SLC25A26: variants seen among roughly 807,000 people sequenced by gnomAD.
SLC25A26 encodes the protein mitochondrial S-adenosylmethionine carrier protein.
A neutral mutation model predicts 37.8 loss-of-function variants in SLC25A26; 36 were observed. The ratio of observed to expected loss-of-function variants is 0.95; its 90% confidence interval spans 0.73 to 1.26. The LOEUF (loss-of-function observed/expected upper bound fraction) is 1.26. Ranked by LOEUF, SLC25A26 falls within the 50% of genes most tolerant of loss-of-function variation. The pLI is 0.00. For synonymous variants in SLC25A26, 129 were observed against 122.5 expected, an observed-to-expected ratio of 1.05 and a Z score of -0.35; for missense variants, 390 against 331.1, an observed-to-expected ratio of 1.18 and a Z score of -1.38.
chr3:66,137,987 C>A (rs1433127553), intron 1 of SLC25A26, among the ~76,000 whole-genome samples: 2 of 152,066 alleles, frequency 1.3e-5, no homozygotes, highest in Non-Finnish European at 2.9e-5. Flanking sequence ...GCGTGCATTA[C>A]CACACCCAGC....
chr3:66,175,642 T>C (rs1411114515), intron 1 of SLC25A26, among the ~76,000 whole-genome samples: 1 of 152,212 alleles, frequency 6.6e-6, no homozygotes, highest in Non-Finnish European at 1.5e-5. Context: ...AGTTGTAGTC[T>C]GCAGGCTGGC....
chr3:66,234,430 T>G (rs906926496), intron 1 of SLC25A26, among the ~76,000 whole-genome samples: 1 of 152,226 alleles, frequency 6.6e-6, no homozygotes, highest in African/African-American at 2.4e-5. Context: ...TACTACTTGG[T>G]TTCTCTACTG....
intron 1 of SLC25A26, among the ~76,000 whole-genome samples, chr3:66,204,800 A>G (rs1405295531): frequency 1.3e-5 from 2 of 152,232 alleles, no homozygotes; most frequent in Non-Finnish European, 2.9e-5. Flanking sequence ...TGCCGTGTGT[A>G]CAGTAGGCAA....
intron 5 of SLC25A26, among the ~76,000 whole-genome samples, chr3:66,298,472 T>A (rs1259404940): frequency 6.6e-6 from 1 of 152,192 alleles, no homozygotes; most frequent in African/African-American, 2.4e-5. Context: ...CTTTTTTTGG[T>A]GGGAGATCAC....
chr3:66,236,525 C>A lies in SLC25A26; in HGVS notation c.34-19C>A. ...GTAACCTTTTTTTTTTCTTTTTCTT[C>A]CCTCTTTTTTTTTCAAAGGCTGGTG... On this transcript the variant is annotated intron_variant, in intron 1 of 9. Coordinates refer to ENST00000354883, the MANE Select transcript of SLC25A26 (RefSeq NM_001379210.1). The A allele has an allele frequency of 7.1e-7, 1 of 1,411,142 alleles. No individual in the cohort carries two copies. The allele number at this position is 1,411,142 out of a possible 1,614,324, so 87.4% of individuals were successfully genotyped here.
At chr3:66,142,246 T>C (rs1381183630) in intron 1 of SLC25A26, among the ~76,000 whole-genome samples, 1 of 152,240 alleles carries the variant, frequency 6.6e-6, no homozygotes, top group Admixed American at 6.5e-5. Flanking sequence ...TATGATCTTT[T>C]GTGTCTGGCT....
intron 1 of SLC25A26, among the ~76,000 whole-genome samples, chr3:66,212,573 A>G (rs2071298486): frequency 6.6e-6 from 1 of 152,172 alleles, no homozygotes; most frequent in Non-Finnish European, 1.5e-5. Context: ...CCCCATGGAT[A>G]AGGGGGATAT....
At position 66,198,189 on chromosome 3, in the gene SLC25A26, T is replaced by A. The variant is rs957593993; in HGVS notation, c.-353-22553T>A. On this transcript the variant is annotated intron_variant, in intron 1 of 10. Transcript: ENST00000676754. ...CAGAGTCAGCTTCAGGATCACTGTC[T>A]AGGTCAGGGTGTTTTCAGAACAGGA... Among the ~76,000 whole-genome samples the A allele has an allele frequency of 1.0e-3, 158 of 152,118 alleles. 5 individuals are homozygous for A. Among genetic ancestry groups the A allele is most frequent in the African/African-American group, 3.5e-3 (145 of 41,504 alleles).
intron 2 of SLC25A26, among the ~76,000 whole-genome samples, chr3:66,237,062 C>T (rs2072326653): frequency 6.6e-6 from 1 of 152,112 alleles, no homozygotes; most frequent in Non-Finnish European, 1.5e-5. Flanking sequence ...GTCTTGAACT[C>T]CTAGGCTCAA....
chr3:66,342,443 T>C (rs2076230840), intron 5 of SLC25A26, among the ~76,000 whole-genome samples: 1 of 152,220 alleles, frequency 6.6e-6, no homozygotes, highest in Non-Finnish European at 1.5e-5. Flanking sequence ...AATTTTTTAA[T>C]TGAAAATAGA....
intron 1 of SLC25A26, among the ~76,000 whole-genome samples, chr3:66,211,495 C>A (rs2071283083): frequency 6.6e-6 from 1 of 152,158 alleles, no homozygotes; most frequent in Non-Finnish European, 1.5e-5. Flanking sequence ...TGGGGTCTTG[C>A]GGCTCTTAAT....
At chr3:66,166,305 AAAG>A (rs1319278223) in intron 1 of SLC25A26, among the ~76,000 whole-genome samples, 1 of 152,236 alleles carries the variant, frequency 6.6e-6, no homozygotes, top group Non-Finnish European at 1.5e-5. Context: ...TGCAGGAGAT[AAAG>A]AAGAGGAAGT....
At chr3:66,281,779 C>G (rs1026788947) in intron 5 of SLC25A26, among the ~76,000 whole-genome samples, 1 of 148,488 alleles carries the variant, frequency 6.7e-6, no homozygotes, top group East Asian at 2.0e-4. Context: ...TGGGGAGCCT[C>G]TTCAGCCTAC....
intron 5 of SLC25A26, among the ~76,000 whole-genome samples, chr3:66,311,130 A>ACCT (rs2075364825): frequency 6.6e-6 from 1 of 152,148 alleles, no homozygotes; most frequent in African/African-American, 2.4e-5. Flanking sequence ...GGGTACACCA[A>ACCT]TCAATCGTAG....
At chr3:66,282,081 G>A (rs1161784007) in intron 5 of SLC25A26, among the ~76,000 whole-genome samples, 14 of 133,404 alleles carry the variant, frequency 1.0e-4, no homozygotes, top group African/African-American at 8.8e-5. Context: ...GCGCAATCTC[G>A]GCTCACTGCA....
At chr3:66,371,289 G>T in intron 9 of SLC25A26, 1 of 1,549,802 alleles carries the variant, frequency 6.5e-7, no homozygotes, top group Non-Finnish European at 8.7e-7. Context: ...GACTTCGGGC[G>T]TCTCAGCTGG....
At chr3:66,166,798 C>T (rs985809846) in intron 1 of SLC25A26, among the ~76,000 whole-genome samples, 8 of 152,140 alleles carry the variant, frequency 5.3e-5, no homozygotes, top group African/African-American at 1.9e-4. Context: ...ACATGAGCCT[C>T]GTCAATGATG....
intron 5 of SLC25A26, among the ~76,000 whole-genome samples, chr3:66,263,763 A>G (rs1386632816): frequency 2.0e-5 from 3 of 152,036 alleles, no homozygotes; most frequent in Non-Finnish European, 2.9e-5. Flanking sequence ...GGTTCACGCC[A>G]TTCTCCTGCG....
At position 66,252,346 on chromosome 3, in the gene SLC25A26, C is replaced by T. The variant is rs1175297011; in HGVS notation, c.300+9034C>T. 4.6e-5 allele frequency among the ~76,000 whole-genome samples: 7 copies of T among 152,138 alleles called. No individual in the cohort carries two copies. In the South Asian group the frequency reaches 8.3e-4, roughly 18 times the overall value. On this transcript the variant is annotated intron_variant, in intron 3 of 9. Coordinates refer to ENST00000354883, the MANE Select transcript of SLC25A26 (RefSeq NM_001379210.1). The stretch of plus-strand genomic sequence containing the variant: ...GACACCGAATAAGAAATTTGATCCC[C>T]GTTTTTGAGGAGCATATAAGTAAGT...
Sources: allele counts gnomAD v4.1 joint callset (sites outside exome capture counted in the v4.1 genomes callset), GRCh38; gene constraint gnomAD v4.1.1; transcripts MANE v1.5; gene names NCBI Gene and HGNC (gene_info 2026-07-23, HGNC 2026-07-21).